SLC15A1: variants seen among roughly 807,000 people sequenced by gnomAD.
SLC15A1 encodes the protein Caco-2 oligopeptide transporter.
SLC15A1 carries 83 observed loss-of-function variants against 92.9 expected under a neutral mutation model. The ratio of observed to expected loss-of-function variants is 0.89; its 90% confidence interval spans 0.75 to 1.07. The LOEUF is 1.07. Ranked by LOEUF, SLC15A1 falls within the 50% of genes least tolerant of loss-of-function variation. SLC15A1 has a pLI of 0.00. For synonymous variants in SLC15A1, 322 were observed against 318.2 expected (o/e 1.01, Z -0.13); for missense variants, 857 against 880.1 (o/e 0.97, Z 0.33).
intron 14 of SLC15A1, 65 bp from the exon 15 acceptor site, chr13:98,708,832 ACCCCCACCATC>A: frequency 1.9e-6 from 2 of 1,067,328 alleles, no homozygotes; most frequent in South Asian, 3.7e-5. Flanking sequence ...CTAAACCCCC[ACCCCCACCATC>A]CCCCCAACAA....
At chr13:98,727,010 A>C in intron 1 of SLC15A1, 151 bp from the exon 2 acceptor site, 4 of 706,890 alleles carry the variant, frequency 5.7e-6, no homozygotes, top group Non-Finnish European at 5.0e-6. Context: ...CCCCAGACTC[A>C]TGCTTCTTAT....
intron 1 of SLC15A1, among the ~76,000 whole-genome samples, chr13:98,745,374 T>C (rs943850377): frequency 6.6e-6 from 1 of 152,220 alleles, no homozygotes; most frequent in Admixed American, 6.5e-5. Flanking sequence ...TCTGTTACCA[T>C]GTCGGGGTGT....
chr13:98,684,651 A>G lies in SLC15A1; in HGVS notation c.*73T>C. 1 of 1,188,150 alleles carries G rather than the reference A, an allele frequency of 8.4e-7. No homozygotes were observed. Among genetic ancestry groups the G allele is most frequent in the South Asian group, 1.4e-5 (1 of 73,420 alleles). 73.6% of individuals were successfully genotyped at this position (1,188,150 alleles called of 1,614,324 possible). ...TTCCTCATCAGGGGCCATCCAATGG[A>G]GTGTCCTGCTACCTGGGGGCAGAGG... On this transcript the variant is annotated 3_prime_UTR_variant, in exon 23 of 23. Coordinates refer to ENST00000376503, the MANE Select transcript of SLC15A1 (RefSeq NM_005073.4).
chr13:98,709,072 A>T (rs544433597), intron 14 of SLC15A1, among the ~76,000 whole-genome samples: 1 of 151,538 alleles, frequency 6.6e-6, no homozygotes, highest in Non-Finnish European at 1.5e-5. Context: ...GCTTCAAGCA[A>T]TTCTCATGCC....
intron 1 of SLC15A1, among the ~76,000 whole-genome samples, chr13:98,744,373 G>GA (rs1194035629): frequency 6.8e-6 from 1 of 146,714 alleles, no homozygotes; most frequent in Non-Finnish European, 1.5e-5. Context: ...ATCATGACTA[G>GA]AAAAAAATGC....
intron 9 of SLC15A1, among the ~76,000 whole-genome samples, chr13:98,713,254 G>A (rs896110521): frequency 6.6e-6 from 1 of 151,732 alleles, no homozygotes; most frequent in African/African-American, 2.4e-5. Flanking sequence ...TGGAGACAGG[G>A]TTTTGCCATT....
At chr13:98,732,185 G>C (rs1230330842) in intron 1 of SLC15A1, among the ~76,000 whole-genome samples, 1 of 152,162 alleles carries the variant, frequency 6.6e-6, no homozygotes, top group East Asian at 1.9e-4. Flanking sequence ...GTTTACGTTG[G>C]TTCCCTGCTA....
At chr13:98,711,818 T>G in intron 11 of SLC15A1, 36 bp downstream of exon 11, 1 of 1,512,486 alleles carries the variant, frequency 6.6e-7, no homozygotes, top group African/African-American at 1.4e-5. Flanking sequence ...GTACGCTTGC[T>G]CCGTGAAGAA....
intron 17 of SLC15A1, 140 bp downstream of exon 17, chr13:98,704,149 C>T (rs1199911471): frequency 2.8e-6 from 2 of 722,800 alleles, no homozygotes; most frequent in Non-Finnish European, 4.3e-6. Context: ...TTCTTGAAGT[C>T]TTGTGTTCCA....
At chr13:98,738,075 A>G (rs1445709782) in intron 1 of SLC15A1, among the ~76,000 whole-genome samples, 2 of 152,210 alleles carry the variant, frequency 1.3e-5, no homozygotes, top group Non-Finnish European at 2.9e-5. Context: ...GCAATGACCT[A>G]GGATATCTGG....
intron 1 of SLC15A1, among the ~76,000 whole-genome samples, chr13:98,742,986 C>G (rs2139611188): frequency 6.6e-6 from 1 of 152,256 alleles, no homozygotes; most frequent in Admixed American, 6.5e-5. Flanking sequence ...GTTACCCAGG[C>G]TGGTCTCAAA....
chr13:98,697,606 T>C (rs2088033423), intron 18 of SLC15A1, among the ~76,000 whole-genome samples: 1 of 143,308 alleles, frequency 7.0e-6, no homozygotes. Flanking sequence ...CCACAAAGAC[T>C]GGCTGATGCT....
intron 22 of SLC15A1, among the ~76,000 whole-genome samples, 153 bp from the exon 23 acceptor site, chr13:98,685,068 C>G (rs1470408602): frequency 1.3e-5 from 2 of 152,200 alleles, no homozygotes; most frequent in African/African-American, 4.8e-5. Flanking sequence ...AATACAGATA[C>G]AGTAAGCCCA....
At chr13:98,704,546 T>A in intron 16 of SLC15A1, 111 bp from the exon 17 acceptor site, 1 of 1,147,546 alleles carries the variant, frequency 8.7e-7, no homozygotes, top group Non-Finnish European at 1.2e-6. Context: ...TTCATGTTCA[T>A]AGATACCAAA....
At chr13:98,741,412 A>G (rs986063753) in intron 1 of SLC15A1, among the ~76,000 whole-genome samples, 7 of 152,194 alleles carry the variant, frequency 4.6e-5, no homozygotes, top group African/African-American at 1.7e-4. Flanking sequence ...CAGGAGCTTG[A>G]GACCAGCCTG....
At chr13:98,700,824 A>G (rs898902288) in intron 18 of SLC15A1, among the ~76,000 whole-genome samples, 2 of 152,172 alleles carry the variant, frequency 1.3e-5, no homozygotes, top group South Asian at 2.1e-4. Flanking sequence ...CCCTTAATCC[A>G]TTGAACTGTC....
At chr13:98,692,104 T>TAA (rs1475006356) in intron 18 of SLC15A1, among the ~76,000 whole-genome samples, 1 of 141,318 alleles carries the variant, frequency 7.1e-6, no homozygotes, top group African/African-American at 2.5e-5. Context: ...TGGAAAGCTC[T>TAA]AATATGAGGA....
intron 1 of SLC15A1, among the ~76,000 whole-genome samples, chr13:98,734,688 A>T (rs560075371): frequency 6.6e-6 from 1 of 152,368 alleles, no homozygotes; most frequent in African/African-American, 2.4e-5. Context: ...ACAAACTACC[A>T]TCAGAGAATA....
At chr13:98,750,997 C>T (rs148331519) in intron 1 of SLC15A1, among the ~76,000 whole-genome samples, 2,891 of 152,172 alleles carry the variant, frequency 0.019, 97 homozygotes, top group African/African-American at 0.066. Context: ...TCAGGTGATC[C>T]ACCTGCCCTG....
Sources: allele counts gnomAD v4.1 joint callset (sites outside exome capture counted in the v4.1 genomes callset), GRCh38; gene constraint gnomAD v4.1.1; transcripts MANE v1.5; gene names NCBI Gene and HGNC (gene_info 2026-07-23, HGNC 2026-07-21).